The following EDN1 variants were observed in gnomAD, a reference collection of about 807,000 sequenced individuals.
The protein encoded by EDN1 is endothelin 1.
In EDN1, 11 loss-of-function variants were observed where a neutral mutation model predicts 21.7. That is an observed-to-expected ratio of 0.51 (90% CI 0.32 to 0.84). The LOEUF (loss-of-function observed/expected upper bound fraction) is 0.84, where lower values mean the gene tolerates loss of function less well. Ranked by LOEUF, EDN1 falls within the 40% of genes least tolerant of loss-of-function variation. EDN1 has a pLI of 0.03. For synonymous variants in EDN1, 85 were observed against 90.6 expected (o/e 0.94, Z 0.35); for missense variants, 244 against 262.3 (o/e 0.93, Z 0.48).
the EDN1 span, among the ~76,000 whole-genome samples, chr6:12,239,292 A>G: frequency 5.3e-5 from 8 of 152,240 alleles, no homozygotes; most frequent in Non-Finnish European, 1.0e-4. Flanking sequence ...ACATGTTAAC[A>G]TAATAGGATT....
the EDN1 span, among the ~76,000 whole-genome samples, chr6:12,230,646 A>AGGCCTAGTGTCACCTTGTTT: frequency 6.6e-6 from 1 of 152,182 alleles, no homozygotes; most frequent in Non-Finnish European, 1.5e-5. Context: ...TGAAACGAGA[A>AGGCCTAGTGTCACCTTGTTT]GGCCTAGTGT....
intron 2 of EDN1, among the ~76,000 whole-genome samples, chr6:12,292,966 A>G (rs899347509): frequency 6.6e-6 from 1 of 152,190 alleles, no homozygotes; most frequent in Non-Finnish European, 1.5e-5. Context: ...CTAGGCTCAA[A>G]GTGTTGAAGC....
the EDN1 span, among the ~76,000 whole-genome samples, chr6:12,254,725 C>T: frequency 6.6e-6 from 1 of 152,020 alleles, no homozygotes; most frequent in Non-Finnish European, 1.5e-5. Flanking sequence ...AAAACATGCA[C>T]ATAATAAAGT....
At chr6:12,283,489 A>C in the EDN1 span, among the ~76,000 whole-genome samples, 593 of 152,308 alleles carry the variant, frequency 3.9e-3, 22 homozygotes, top group Admixed American at 0.035. Flanking sequence ...AACTCATACA[A>C]TATTTCCTAA....
chr6:12,232,942 G>A, the EDN1 span, among the ~76,000 whole-genome samples: 1 of 152,108 alleles, frequency 6.6e-6, no homozygotes, highest in African/African-American at 2.4e-5. Context: ...ACTTTCAGAA[G>A]GATTAAAAGG....
chr6:12,274,883 T>C, the EDN1 span, among the ~76,000 whole-genome samples: 1 of 152,198 alleles, frequency 6.6e-6, no homozygotes, highest in Non-Finnish European at 1.5e-5. Flanking sequence ...TTCTGGTTCT[T>C]TGCTGAGAGG....
chr6:12,291,768 A>T (rs1762688199), intron 1 of EDN1, among the ~76,000 whole-genome samples: 2 of 152,154 alleles, frequency 1.3e-5, no homozygotes, highest in South Asian at 4.1e-4. Context: ...AATATTGAAT[A>T]GTTAATTTCT....
chr6:12,263,213 T>C, the EDN1 span, among the ~76,000 whole-genome samples: 2 of 152,344 alleles, frequency 1.3e-5, no homozygotes, highest in African/African-American at 4.8e-5. Flanking sequence ...CTCAAATACT[T>C]TTAAGCCAGC....
intron 4 of EDN1, among the ~76,000 whole-genome samples, chr6:12,295,304 C>T (rs1466220740): frequency 2.0e-5 from 3 of 152,048 alleles, no homozygotes; most frequent in African/African-American, 4.8e-5. Context: ...CCTCAGCTAT[C>T]GGTTTCTTCA....
the EDN1 span, among the ~76,000 whole-genome samples, chr6:12,275,613 C>T: frequency 2.6e-5 from 4 of 151,822 alleles, no homozygotes; most frequent in African/African-American, 4.8e-5. Flanking sequence ...ATAAATGTAA[C>T]GTTTCTCACT....
At chr6:12,252,518 A>T in the EDN1 span, among the ~76,000 whole-genome samples, 1 of 152,196 alleles carries the variant, frequency 6.6e-6, no homozygotes, top group Non-Finnish European at 1.5e-5. Flanking sequence ...TAATAAAGAT[A>T]TTGAAAGAAG....
At chr6:12,242,994 G>C in the EDN1 span, among the ~76,000 whole-genome samples, 5 of 152,186 alleles carry the variant, frequency 3.3e-5, no homozygotes, top group African/African-American at 9.6e-5. Flanking sequence ...CTCCAGGGAT[G>C]GGGGCACCAA....
chr6:12,289,606 TTCAA>T (rs1762624000), upstream of EDN1, among the ~76,000 whole-genome samples: 1 of 152,174 alleles, frequency 6.6e-6, no homozygotes. Context: ...ACCTTTGCTT[TTCAA>T]TCAGTTTATC....
At chr6:12,259,395 A>T in the EDN1 span, among the ~76,000 whole-genome samples, 1 of 150,580 alleles carries the variant, frequency 6.6e-6, no homozygotes, top group African/African-American at 2.4e-5. Flanking sequence ...TAAATAATAA[A>T]AAATAAGATT....
chr6:12,275,004 CCCTT>C, the EDN1 span, among the ~76,000 whole-genome samples: 15 of 140,392 alleles, frequency 1.1e-4, no homozygotes, highest in East Asian at 2.0e-4. Context: ...CTCCCTCCCT[CCCTT>C]CCTTCCTTCC....
the EDN1 span, among the ~76,000 whole-genome samples, chr6:12,257,407 CTTTAAA>C: frequency 5.3e-5 from 8 of 152,152 alleles, no homozygotes; most frequent in Non-Finnish European, 1.5e-5. Context: ...ACCAGAAGTC[CTTTAAA>C]TTTAATAGGA....
chr6:12,276,599 G>A, the EDN1 span, among the ~76,000 whole-genome samples: 2 of 152,188 alleles, frequency 1.3e-5, no homozygotes, highest in Admixed American at 1.3e-4. Flanking sequence ...TTTTGTCTTA[G>A]CCAGACAAGG....
intron 4 of EDN1, among the ~76,000 whole-genome samples, chr6:12,295,694 A>G (rs1233824958): frequency 6.6e-6 from 1 of 152,128 alleles, no homozygotes; most frequent in African/African-American, 2.4e-5. Context: ...GAACAACTCT[A>G]GTTTATTTAA....
At chr6:12,269,183 A>G in the EDN1 span, among the ~76,000 whole-genome samples, 39 of 152,244 alleles carry the variant, frequency 2.6e-4, no homozygotes, top group Non-Finnish European at 4.9e-4. Flanking sequence ...TGAATTTTGC[A>G]TCCTGAAACT....
Sources: gnomAD v4.1 joint callset for allele counts (sites outside exome capture counted in the v4.1 genomes callset) on GRCh38, gnomAD v4.1.1 for gene constraint, MANE v1.5 for transcripts, NCBI Gene and HGNC (gene_info 2026-07-23, HGNC 2026-07-21) for gene names.